The following SGO2 variants were observed in gnomAD, a reference collection of about 807,000 sequenced individuals.
The protein encoded by SGO2 is shugoshin-like 2.
In SGO2, 68 loss-of-function variants were observed where a neutral mutation model predicts 99.5. The observed-to-expected ratio is 0.68, with a 90% confidence interval of 0.56 to 0.84. SGO2 has a LOEUF of 0.84. Among genes scored for constraint, SGO2 ranks in the 40% least tolerant of loss-of-function variants. The pLI is 0.00. For synonymous variants in SGO2, 457 were observed against 487.1 expected, an observed-to-expected ratio of 0.94 and a Z score of 0.81; for missense variants, 1,350 against 1,436.7, an observed-to-expected ratio of 0.94 and a Z score of 0.97.
At chr2:200,542,351 A>C (rs1226471955) in intron 4 of SGO2, among the ~76,000 whole-genome samples, 1 of 152,198 alleles carries the variant, frequency 6.6e-6, no homozygotes, top group Non-Finnish European at 1.5e-5. Context: ...CACATAGAAG[A>C]ATGTTGAGGT....
In SGO2 at chr2:200,571,220, G is replaced by C; in HGVS notation, c.874G>C (p.Ala292Pro). 1 of 1,613,566 alleles carries C rather than the reference G, an allele frequency of 6.2e-7. No homozygotes were observed. Among genetic ancestry groups the C allele is most frequent in the Non-Finnish European group, 8.5e-7 (1 of 1,179,662 alleles). ...TAATCTTTCTGCAGACACTCCCTGTGCAACAGTTTTAGATAAACAACACAT... is the reference window on the plus strand; with the variant it reads ...TAATCTTTCTGCAGACACTCCCTGTCCAACAGTTTTAGATAAACAACACAT... Reference protein sequence around the residue: ...SNNLSADTPCATVLDKQHISS... With the variant: ...SNNLSADTPCPTVLDKQHISS... The change falls in exon 7 of 9, where the codon GCA becomes CCA. Residue 292 changes from alanine (A) to proline (P), a missense_variant. By Grantham distance (27) the Ala-to-Pro change is conservative. Coordinates refer to ENST00000357799, the MANE Select transcript of SGO2 (RefSeq NM_152524.6).
chr2:200,564,283 A>G (rs1264115169), intron 5 of SGO2, among the ~76,000 whole-genome samples: 1 of 152,228 alleles, frequency 6.6e-6, no homozygotes, highest in African/African-American at 2.4e-5. Flanking sequence ...TTGGTTTCAT[A>G]GAACATCTTT....
Position 200,542,599 on chromosome 2 carries a change from A to G in SGO2, c.408A>G (p.Leu136=). 6.2e-7 allele frequency: 1 copy of G among 1,612,626 alleles called. No homozygotes were observed. The highest frequency in any genetic ancestry group is 8.5e-7 in the Non-Finnish European group (1 of 1,179,330). ...SLSEFHQSSF[L]LSASKKKRIS... ...AATAGTTCCATCAGAGTTCCTTTCT[A>G]CTGTCAGCTAGCAAGAAGAAACGAA... Residue 136 remains leucine, a synonymous_variant, in exon 5 of 9, where the codon CTA becomes CTG. Transcript: ENST00000357799.
chr2:200,553,077 T>C (rs940285011), intron 5 of SGO2, among the ~76,000 whole-genome samples: 1 of 152,068 alleles, frequency 6.6e-6, no homozygotes, highest in Admixed American at 6.6e-5. Context: ...GGGTCTCTTG[T>C]ATTTGGGTAG....
chr2:200,545,033 G>T (rs1024759694), intron 5 of SGO2, among the ~76,000 whole-genome samples: 1 of 152,024 alleles, frequency 6.6e-6, no homozygotes, highest in Non-Finnish European at 1.5e-5. Flanking sequence ...GTGAGGCAAG[G>T]TCTCACTTTG....
chr2:200,535,267 T>A, intron 3 of SGO2, 96 bp downstream of exon 3: 1 of 1,127,312 alleles, frequency 8.9e-7, no homozygotes, highest in Non-Finnish European at 1.2e-6. Flanking sequence ...AAATCTCCAA[T>A]AGTGAAAAAT....
chr2:200,532,534 A>T, intron 1 of SGO2, among the ~76,000 whole-genome samples: 1 of 152,038 alleles, frequency 6.6e-6, no homozygotes, highest in Admixed American at 6.6e-5. Context: ...TAGGCCATAA[A>T]TCTAATAGAC....
chr2:200,537,080 T>C (rs899457826), intron 4 of SGO2, among the ~76,000 whole-genome samples: 5 of 152,140 alleles, frequency 3.3e-5, no homozygotes, highest in Non-Finnish European at 5.9e-5. Context: ...CATATGATTA[T>C]GTGGAGTGAT....
chr2:200,543,906 T>G (rs2032083730), intron 5 of SGO2, among the ~76,000 whole-genome samples: 1 of 152,278 alleles, frequency 6.6e-6, no homozygotes, highest in Admixed American at 6.5e-5. Context: ...ACATGGTGGA[T>G]TTTCACCAAG....
At chr2:200,529,557 C>T (rs2031267758) in intron 1 of SGO2, among the ~76,000 whole-genome samples, 1 of 152,184 alleles carries the variant, frequency 6.6e-6, no homozygotes, top group Non-Finnish European at 1.5e-5. Flanking sequence ...GAGTCTCACT[C>T]TGTCACCCAG....
At chr2:200,566,962 G>A (rs1397191891) in intron 5 of SGO2, among the ~76,000 whole-genome samples, 1 of 152,170 alleles carries the variant, frequency 6.6e-6, no homozygotes, top group Non-Finnish European at 1.5e-5. Context: ...TCCAGGTGCT[G>A]TGTGTCAAGG....
intron 5 of SGO2, among the ~76,000 whole-genome samples, chr2:200,555,940 C>T (rs1423021049): frequency 6.6e-6 from 1 of 152,094 alleles, no homozygotes. Flanking sequence ...GAGTCTCAGG[C>T]TGTTAGAGCT....
chr2:200,569,910 A>G lies in SGO2; in HGVS notation c.703+18A>G. 6.7e-7 allele frequency: 1 copy of G among 1,482,732 alleles called. No homozygotes were observed. The highest frequency in any genetic ancestry group is 9.4e-7 in the Non-Finnish European group (1 of 1,067,492). 91.8% of individuals were successfully genotyped at this position (1,482,732 alleles called of 1,614,324 possible). A position where few individuals can be genotyped will look rare whatever the true frequency, so the allele number is the denominator to read the frequency against. On this transcript the variant is annotated intron_variant, in intron 6 of 8. Coordinates refer to ENST00000357799, the MANE Select transcript of SGO2 (RefSeq NM_152524.6). Reference sequence around the variant, plus strand: ...TCCCAGAGGTGAGATTGTTTTAAAAATTCATTTTGAGTATTTGTATTAGTT... The same window carrying G: ...TCCCAGAGGTGAGATTGTTTTAAAAGTTCATTTTGAGTATTTGTATTAGTT...
Position 200,535,160 on chromosome 2 carries a change from C to A in SGO2, c.298C>A (p.Leu100Ile). The A allele has an allele frequency of 6.6e-7, 1 of 1,522,764 alleles. No individual in the cohort carries two copies. The highest frequency in any genetic ancestry group is 2.5e-5 in the East Asian group (1 of 39,384). 94.3% of individuals were successfully genotyped at this position (1,522,764 alleles called of 1,614,324 possible). ...NFENTFLRLK[L>I]NNLNKKLIDI... ...TGAGAACACATTTCTTCGCCTAAAGCTAAATAACTTGGTATGTAAGCTATA... is the reference window on the plus strand; with the variant it reads ...TGAGAACACATTTCTTCGCCTAAAGATAAATAACTTGGTATGTAAGCTATA... Residue 100 changes from leucine (L) to isoleucine (I), a missense_variant, in exon 3 of 9, where the codon CTA becomes ATA. Leu to Ile is a conservative substitution (Grantham distance 5, BLOSUM62 2). Transcript: ENST00000357799.
At chr2:200,532,299 T>TTAAAA in intron 1 of SGO2, 1 of 434,202 alleles carries the variant, frequency 2.3e-6, no homozygotes, top group Non-Finnish European at 3.0e-6. Context: ...TTTTTTTTTT[T>TTAAAA]CAGATCTCTT....
At position 200,535,080 on chromosome 2, in the gene SGO2, G is replaced by T. The variant is rs557247632; in HGVS notation, c.218G>T (p.Arg73Leu). The change falls in exon 3 of 9, where the codon CGA becomes CTA. Residue 73 changes from arginine (R) to leucine (L), a missense_variant. Physicochemically the swap from Arg to Leu is moderately radical, Grantham distance 102. Transcript: ENST00000357799. ...QALSREKENS[R>L]RITTEKMLLQ... Reference sequence around the variant, plus strand: ...CTTAGTAGAGAAAAAGAGAATTCTCGAAGAATTACAACTGAAAAGATGCTA... The same window carrying T: ...CTTAGTAGAGAAAAAGAGAATTCTCTAAGAATTACAACTGAAAAGATGCTA... 1 of 1,564,038 alleles carries T rather than the reference G, an allele frequency of 6.4e-7. No individual in the cohort carries two copies. The highest frequency in any genetic ancestry group is 1.2e-5 in the South Asian group (1 of 81,712).
In SGO2 at chr2:200,577,466, C is replaced by A. The variant is rs367564589; in HGVS notation, c.3782+2005C>A. 1.5e-3 allele frequency among the ~76,000 whole-genome samples: 232 copies of A among 152,274 alleles called. 1 individual carries two copies. The highest frequency in any genetic ancestry group is 5.2e-3 in the African/African-American group (218 of 41,552). ...TGTAAAAATAATACAAAGGTTTCCC[C>A]TATGGTCCTCTCCCAGCATTCCTTA... On this transcript the variant is annotated intron_variant, in intron 8 of 8. Coordinates refer to ENST00000357799, the MANE Select transcript of SGO2 (RefSeq NM_152524.6).
chr2:200,583,567 TTTTG>T lies in SGO2; in HGVS notation c.*107_*110del. On this transcript the variant is annotated 3_prime_UTR_variant, in exon 9 of 9. Coordinates refer to ENST00000357799, the MANE Select transcript of SGO2 (RefSeq NM_152524.6). ...GAAATGCTTAATGAAAAGGTTTTTT[TTTTG>T]TTTCTTTGGCCTTTCATGGAGTGTT... 9.1e-7 allele frequency: 1 copy of T among 1,097,132 alleles called. No homozygotes were observed. 68.0% of individuals were successfully genotyped at this position (1,097,132 alleles called of 1,614,324 possible). A position where few individuals can be genotyped will look rare whatever the true frequency, so the allele number is the denominator to read the frequency against.
At chr2:200,529,188 C>T (rs955304693) in intron 1 of SGO2, among the ~76,000 whole-genome samples, 1 of 152,182 alleles carries the variant, frequency 6.6e-6, no homozygotes, top group African/African-American at 2.4e-5. Context: ...CATCAAGGGA[C>T]CACTTGTATT....
Sources: gnomAD v4.1 joint callset for allele counts (sites outside exome capture counted in the v4.1 genomes callset) on GRCh38, gnomAD v4.1.1 for gene constraint, MANE v1.5 for transcripts, NCBI Gene and HGNC (gene_info 2026-07-23, HGNC 2026-07-21) for gene names.